SFXN1: variants seen among roughly 807,000 people sequenced by gnomAD.
SFXN1 encodes the protein sideroflexin-1.
In SFXN1, 32 loss-of-function variants were observed where a neutral mutation model predicts 39.5. That is an observed-to-expected ratio of 0.81 (90% confidence interval 0.61 to 1.09). The LOEUF (loss-of-function observed/expected upper bound fraction) is 1.09. Among genes scored for constraint, SFXN1 ranks in the 50% least tolerant of loss-of-function variants. The pLI, the probability that SFXN1 is intolerant of heterozygous loss-of-function variation, is 0.00. For missense variants in SFXN1, 402 were observed against 407.1 expected, an observed-to-expected ratio of 0.99 and a Z score of 0.11; for synonymous variants, 136 against 146.5, an observed-to-expected ratio of 0.93 and a Z score of 0.52.
chr5:175,524,862 AAAT>A (rs1301756461), intron 10 of SFXN1, among the ~76,000 whole-genome samples: 1 of 152,232 alleles, frequency 6.6e-6, no homozygotes, highest in Non-Finnish European at 1.5e-5. Context: ...CAGTGATTAA[AAAT>A]AATACCAACA....
intron 10 of SFXN1, among the ~76,000 whole-genome samples, chr5:175,525,365 A>G (rs1761025773): frequency 6.6e-6 from 1 of 152,222 alleles, no homozygotes; most frequent in Non-Finnish European, 1.5e-5. Context: ...GTTAAAATGC[A>G]TAACGTCTGG....
At chr5:175,507,038 T>C (rs987572478) in intron 2 of SFXN1, among the ~76,000 whole-genome samples, 1 of 152,206 alleles carries the variant, frequency 6.6e-6, no homozygotes, top group Non-Finnish European at 1.5e-5. Context: ...CAAGGTCTGA[T>C]ATCAAGGTGT....
intron 2 of SFXN1, among the ~76,000 whole-genome samples, chr5:175,504,441 G>A (rs1380883992): frequency 2.0e-5 from 3 of 151,844 alleles, no homozygotes; most frequent in Non-Finnish European, 4.4e-5. Context: ...CGGGCGTGGT[G>A]GCGCACACCT....
rs113105258 is a variant in SFXN1, at chr5:175,528,472, A to G, written c.*1738A>G. The stretch of plus-strand genomic sequence containing the variant: ...TGGAACCAAGCATCCACGGATACTG[A>G]GGGGTGACATTTCATGAAGTGTAGA... On this transcript the variant is annotated 3_prime_UTR_variant, in exon 11 of 11. Coordinates refer to ENST00000321442, the MANE Select transcript of SFXN1 (RefSeq NM_022754.7). 2 of 152,296 alleles carry G rather than the reference A, an allele frequency of 1.3e-5. No homozygotes were observed. Among genetic ancestry groups the G allele is most frequent in the African/African-American group, 4.8e-5 (2 of 41,558 alleles). The allele number at this position is 152,296 out of a possible 1,614,324, so 9.4% of individuals were successfully genotyped here.
chr5:175,498,686 A>G (rs548053766), intron 2 of SFXN1, among the ~76,000 whole-genome samples: 2 of 152,312 alleles, frequency 1.3e-5, no homozygotes, highest in East Asian at 3.9e-4. Context: ...CCTAACAGAG[A>G]AATAGAATAT....
intron 6 of SFXN1, among the ~76,000 whole-genome samples, chr5:175,512,601 A>G (rs913396150): frequency 6.6e-6 from 1 of 152,210 alleles, no homozygotes; most frequent in African/African-American, 2.4e-5. Context: ...GGCTTAAAGT[A>G]CATTATTCTA....
At chr5:175,507,112 G>A (rs755203610) in intron 2 of SFXN1, among the ~76,000 whole-genome samples, 82 of 152,066 alleles carry the variant, frequency 5.4e-4, no homozygotes, top group Non-Finnish European at 1.1e-3. Flanking sequence ...GAGGCTCTAG[G>A]AATGTTTTGA....
chr5:175,516,725 G>T (rs867243311), intron 8 of SFXN1, 62 bp downstream of exon 8: 2 of 1,545,232 alleles, frequency 1.3e-6, no homozygotes, highest in Admixed American at 1.8e-5. Context: ...ATTTCAAACC[G>T]TATAGATTAT....
At chr5:175,524,124 AAATATATATATATATATATATATATAT>A (rs1256702954) in intron 10 of SFXN1, 37 of 25,014 alleles carry the variant, frequency 1.5e-3, no homozygotes, top group African/African-American at 7.5e-3. Context: ...AAAAAAAAAA[AAATATATATATATATATATATATATAT>A]ATATATATAT....
intron 2 of SFXN1, among the ~76,000 whole-genome samples, chr5:175,495,684 G>A (rs540592019): frequency 6.0e-5 from 9 of 149,108 alleles, no homozygotes; most frequent in Non-Finnish European, 1.0e-4. Flanking sequence ...ACTTGAGATC[G>A]CACCACTGCA....
chr5:175,511,820 G>A (rs549093199), intron 5 of SFXN1, among the ~76,000 whole-genome samples: 1 of 151,192 alleles, frequency 6.6e-6, no homozygotes, highest in East Asian at 1.9e-4. Flanking sequence ...TCAGGCCACA[G>A]CTCTGAAGAG....
rs188707413 is a variant in SFXN1 at position 175,501,868 on chromosome 5, C to T, written c.165-7164C>T. Among the ~76,000 whole-genome samples the T allele has an allele frequency of 2.0e-4, 31 of 152,224 alleles. No individual in the cohort carries two copies. The East Asian group carries it at 4.4e-3, about 22-fold the overall frequency. On this transcript the variant is annotated intron_variant, in intron 2 of 10. Coordinates refer to ENST00000321442, the MANE Select transcript of SFXN1 (RefSeq NM_022754.7). ...CCTAGACAGAACCGATTTATCAAGA[C>T]GGGAATTGCAATGGAGAAAGAGGAA...
At chr5:175,510,030 T>C in intron 3 of SFXN1, 79 bp from the exon 4 acceptor site, 1 of 1,132,426 alleles carries the variant, frequency 8.8e-7, no homozygotes, top group Non-Finnish European at 1.3e-6. Context: ...CCTCTCTGGT[T>C]ACTGGTGTTC....
chr5:175,509,257 T>C, intron 3 of SFXN1, 55 bp downstream of exon 3: 1 of 1,495,340 alleles, frequency 6.7e-7, no homozygotes, highest in Non-Finnish European at 9.0e-7. Flanking sequence ...GCTCAAAGTA[T>C]ATTTTTGTAT....
chr5:175,525,227 CAG>C (rs1400420766), intron 10 of SFXN1, among the ~76,000 whole-genome samples: 1 of 152,180 alleles, frequency 6.6e-6, no homozygotes, highest in Admixed American at 6.5e-5. Flanking sequence ...AGTGGCAAAA[CAG>C]AAAGACCAAG....
chr5:175,478,804 G>C (rs1369546493), intron 1 of SFXN1, 165 bp downstream of exon 1: 1 of 147,718 alleles, frequency 6.8e-6, no homozygotes, highest in Non-Finnish European at 1.5e-5. Flanking sequence ...GGGATGCCTC[G>C]GGCCGGGGGG....
Position 175,511,338 on chromosome 5 carries a change from C to T in SFXN1, c.435-113C>T. On this transcript the variant is annotated intron_variant, in intron 4 of 10. Transcript: ENST00000321442. ...GATAGTGAATGTTGTTTTGTAGACT[C>T]TTCATTCTGAATCATGCTCTTTTAT... 5 of 825,152 alleles carry T rather than the reference C, an allele frequency of 6.1e-6. No individual in the cohort carries two copies. In the South Asian group the frequency reaches 8.0e-5, roughly 13 times the overall value. 51.1% of individuals were successfully genotyped at this position (825,152 alleles called of 1,614,324 possible).
At chr5:175,508,365 A>G (rs1476125308) in intron 2 of SFXN1, among the ~76,000 whole-genome samples, 1 of 150,860 alleles carries the variant, frequency 6.6e-6, no homozygotes, top group Non-Finnish European at 1.5e-5. Context: ...AGCTGGGACC[A>G]CAGGCATATG....
chr5:175,518,691 G>A (rs987862546), intron 8 of SFXN1, among the ~76,000 whole-genome samples: 6 of 152,166 alleles, frequency 3.9e-5, no homozygotes, highest in Admixed American at 2.0e-4. Context: ...GTTTGTGGAT[G>A]GTTAGGTTGG....
Sources: allele counts gnomAD v4.1 joint callset (sites outside exome capture counted in the v4.1 genomes callset), GRCh38; gene constraint gnomAD v4.1.1; transcripts MANE v1.5; gene names NCBI Gene and HGNC (gene_info 2026-07-23, HGNC 2026-07-21).